The following C8A variants were observed in gnomAD, a reference collection of about 807,000 sequenced individuals.
The protein encoded by C8A is complement C8 alpha chain.
A neutral mutation model predicts 65.3 loss-of-function variants in C8A; 67 were observed. That is an observed-to-expected ratio of 1.03 (90% CI 0.84 to 1.26). C8A has a LOEUF of 1.26. C8A is among the 50% of genes most tolerant of loss of function. The pLI is 0.00. For missense variants in C8A, 781 were observed against 723.9 expected, an observed-to-expected ratio of 1.08 and a Z score of -0.90; for synonymous variants, 290 against 259.4, an observed-to-expected ratio of 1.12 and a Z score of -1.13.
Position 56,906,778 on chromosome 1 carries a change from G to A in C8A, c.1208G>A (p.Gly403Glu). 2 of 1,614,116 alleles carry A rather than the reference G, an allele frequency of 1.2e-6. No homozygotes were observed. Among genetic ancestry groups the A allele is most frequent in the South Asian group, 1.1e-5 (1 of 91,086 alleles). Residue 403 changes from glycine (G) to glutamate (E), a missense_variant, in exon 8 of 11, where the codon GGA (glycine) becomes GAA (glutamate). By Grantham distance (98) the Gly-to-Glu change is moderately conservative. Transcript: ENST00000361249. ...TCAGGAGACCATTGTAAAAAATTTG[G>A]AGGTGGCAAAACTGGCAAGTGTTTA... ...GLSGDHCKKF[G>E]GGKTERARKA...
At chr1:56,902,656 C>T (rs1165377920) in intron 7 of C8A, among the ~76,000 whole-genome samples, 1 of 152,064 alleles carries the variant, frequency 6.6e-6, no homozygotes, top group East Asian at 1.9e-4. Context: ...TTTCCTCTTG[C>T]CCCCAGCCCC....
At chr1:56,878,484 A>G (rs1644218722) in intron 4 of C8A, among the ~76,000 whole-genome samples, 1 of 152,184 alleles carries the variant, frequency 6.6e-6, no homozygotes, top group Non-Finnish European at 1.5e-5. Context: ...AAACATTTCA[A>G]ATACGCTTTC....
At chr1:56,904,288 G>A (rs1448741316) in intron 7 of C8A, among the ~76,000 whole-genome samples, 3 of 152,046 alleles carry the variant, frequency 2.0e-5, no homozygotes, top group African/African-American at 4.8e-5. Flanking sequence ...TCTGATTTTG[G>A]CATCTCTTAC....
At chr1:56,855,988 G>A (rs79278353) in intron 1 of C8A, among the ~76,000 whole-genome samples, 1,825 of 152,130 alleles carry the variant, frequency 0.012, 15 homozygotes, top group Non-Finnish European at 0.02. Context: ...AATCTCCGCC[G>A]AGATATTCTT....
In C8A at chr1:56,906,789, A is replaced by G; in HGVS notation, c.1219A>G (p.Thr407Ala). The part of the protein sequence containing the change: ...DHCKKFGGGK[T>A]ERARKAMAVE... ...TTGTAAAAAATTTGGAGGTGGCAAAACTGGCAAGTGTTTAGTAATAGATCT... is the reference window on the plus strand; with the variant it reads ...TTGTAAAAAATTTGGAGGTGGCAAAGCTGGCAAGTGTTTAGTAATAGATCT... Residue 407 changes from threonine to alanine, a missense_variant, in exon 8 of 11, where the codon ACT (threonine) becomes GCT (alanine). Coordinates refer to ENST00000361249, the MANE Select transcript of C8A (RefSeq NM_000562.3). The G allele has an allele frequency of 3.7e-6, 6 of 1,614,070 alleles. No homozygotes were observed. In the South Asian group the frequency reaches 4.4e-5, roughly 12 times the overall value.
At chr1:56,868,746 C>A (rs1644115829) in intron 2 of C8A, among the ~76,000 whole-genome samples, 1 of 152,168 alleles carries the variant, frequency 6.6e-6, no homozygotes, top group Non-Finnish European at 1.5e-5. Flanking sequence ...CCACTCACTG[C>A]CTGAACCTTG....
At chr1:56,904,356 G>C (rs1644448390) in intron 7 of C8A, among the ~76,000 whole-genome samples, 1 of 152,152 alleles carries the variant, frequency 6.6e-6, no homozygotes, top group Admixed American at 6.6e-5. Flanking sequence ...AAACTCTCGG[G>C]ATACAGATTG....
intron 5 of C8A, among the ~76,000 whole-genome samples, chr1:56,882,504 A>ATCT (rs1644255887): frequency 6.6e-6 from 1 of 152,204 alleles, no homozygotes; most frequent in African/African-American, 2.4e-5. Flanking sequence ...GTCTGAACTA[A>ATCT]GTCCAGGCTG....
intron 10 of C8A, among the ~76,000 whole-genome samples, chr1:56,914,242 G>C (rs1444321088): frequency 6.6e-6 from 1 of 152,150 alleles, no homozygotes; most frequent in African/African-American, 2.4e-5. Flanking sequence ...ATAGCAAAGG[G>C]ATTAGGGCTT....
Position 56,914,907 on chromosome 1 carries a change from G to C in C8A, c.1603+2282G>C, listed in dbSNP as rs146041635. 8.2e-3 allele frequency among the ~76,000 whole-genome samples: 1,255 copies of C among 152,234 alleles called. 13 individuals carry two copies. Among genetic ancestry groups the C allele is most frequent in the Middle Eastern group, 0.041 (12 of 294 alleles). On this transcript the variant is annotated intron_variant, in intron 10 of 10. Transcript: ENST00000361249. ...TGGTCAGGCTGGTCTCGAACTCCTA[G>C]TCTCAAGTGATCTGCCCGCCTCAGC...
chr1:56,902,927 G>A (rs1185150572), intron 7 of C8A, among the ~76,000 whole-genome samples: 1 of 152,058 alleles, frequency 6.6e-6, no homozygotes, highest in Non-Finnish European at 1.5e-5. Flanking sequence ...CTAATCTATG[G>A]AGAGGAGAGT....
chr1:56,859,669 A>G (rs956972134), intron 1 of C8A, among the ~76,000 whole-genome samples: 3 of 152,216 alleles, frequency 2.0e-5, no homozygotes, highest in Non-Finnish European at 4.4e-5. Flanking sequence ...TATTACATGT[A>G]TGCTAGGTGT....
rs765750603 is a variant in C8A at position 56,885,996 on chromosome 1, A to G, written c.925A>G (p.Met309Val). The change falls in exon 7 of 11, where the codon ATG (methionine) becomes GTG (valine). Residue 309 changes from methionine to valine, a missense_variant. Transcript: ENST00000361249. ...AHFKMRKDDI[M>V]LDEGMLQSLM... is the part of the protein sequence containing the mutation. ...TTTTAAGATGAGGAAGGATGACATTATGCTGGATGAAGGAATGCTGCAGTC... is the reference window on the plus strand; with the variant it reads ...TTTTAAGATGAGGAAGGATGACATTGTGCTGGATGAAGGAATGCTGCAGTC... 63 of 1,613,970 alleles carry G rather than the reference A, an allele frequency of 3.9e-5. No homozygotes were observed. The highest frequency in any genetic ancestry group is 5.3e-5 in the Non-Finnish European group (62 of 1,179,968).
chr1:56,886,316 C>A, intron 7 of C8A, 149 bp downstream of exon 7: 1 of 928,038 alleles, frequency 1.1e-6, no homozygotes, highest in Non-Finnish European at 1.7e-6. Flanking sequence ...TTATTACTCC[C>A]AAGGAACTGA....
intron 1 of C8A, among the ~76,000 whole-genome samples, chr1:56,867,334 A>T (rs892530699): frequency 3.3e-5 from 5 of 152,160 alleles, no homozygotes; most frequent in African/African-American, 1.2e-4. Flanking sequence ...GCTCTTCAAA[A>T]ATTGTTAGCC....
rs561620147 is a variant in C8A, at chr1:56,890,072, G to A, written c.1096+3905G>A. Reference sequence around the variant, plus strand: ...TCAAGGTATACAAAAGAGAAATAATGTATTTCGCATTCTGACTTCTCTGGT... The same window carrying A: ...TCAAGGTATACAAAAGAGAAATAATATATTTCGCATTCTGACTTCTCTGGT... On this transcript the variant is annotated intron_variant, in intron 7 of 10. Coordinates refer to ENST00000361249, the MANE Select transcript of C8A (RefSeq NM_000562.3). 2.6e-5 allele frequency among the ~76,000 whole-genome samples: 4 copies of A among 152,194 alleles called. No individual in the cohort carries two copies. The South Asian group carries it at 6.2e-4, about 24-fold the overall frequency.
At chr1:56,907,053 G>A (rs953289605) in intron 8 of C8A, among the ~76,000 whole-genome samples, 13 of 152,132 alleles carry the variant, frequency 8.5e-5, no homozygotes, top group Admixed American at 8.5e-4. Flanking sequence ...GTCCAAGTAA[G>A]AACTAGAATG....
intron 2 of C8A, among the ~76,000 whole-genome samples, chr1:56,868,895 G>A (rs1478398950): frequency 6.6e-6 from 1 of 152,082 alleles, no homozygotes; most frequent in East Asian, 1.9e-4. Flanking sequence ...TGTATAAATT[G>A]GAGTATAAAA....
intron 2 of C8A, among the ~76,000 whole-genome samples, chr1:56,871,558 A>G (rs904351124): frequency 1.3e-5 from 2 of 152,242 alleles, no homozygotes; most frequent in African/African-American, 4.8e-5. Context: ...AAAATGAGAA[A>G]ACAGGATCAG....
Sources: gnomAD v4.1 joint callset for allele counts (sites outside exome capture counted in the v4.1 genomes callset) on GRCh38, gnomAD v4.1.1 for gene constraint, MANE v1.5 for transcripts, NCBI Gene and HGNC (gene_info 2026-07-23, HGNC 2026-07-21) for gene names.